Variants in CYB5D2 observed in about 807,000 individuals in gnomAD.
CYB5D2 encodes cytochrome b5 domain containing 2.
CYB5D2 carries 23 observed loss-of-function variants against 22.8 expected under a neutral mutation model. The observed-to-expected ratio is 1.01, with a 90% confidence interval of 0.73 to 1.43. The LOEUF is 1.43. CYB5D2 is among the 40% of genes most tolerant of loss of function. The pLI, the probability that CYB5D2 is intolerant of heterozygous loss-of-function variation, is 0.00. For synonymous variants in CYB5D2, 170 were observed against 152.2 expected (o/e 1.12, Z -0.86); for missense variants, 373 against 357.2 (o/e 1.04, Z -0.36).
intron 1 of CYB5D2, among the ~76,000 whole-genome samples, chr17:4,147,985 A>C (rs2059011639): frequency 1.3e-5 from 2 of 152,252 alleles, no homozygotes; most frequent in South Asian, 4.1e-4. Context: ...TGGCAGGAGA[A>C]TGATGTGATC....
chr17:4,143,503 A>G lies in CYB5D2; in HGVS notation c.-253A>G, dbSNP rs111244106. On this transcript the variant is annotated 5_prime_UTR_variant, in exon 1 of 4. Coordinates refer to ENST00000301391, the MANE Select transcript of CYB5D2 (RefSeq NM_144611.4). ...ATTCCGCCAGTGCACTCCAGCCTGG[A>G]CAACAAGAGCTAAAACTCTGTCTCA... The G allele has an allele frequency of 2.9e-3, 1,090 of 375,882 alleles. 15 individuals carry two copies. The highest frequency in any genetic ancestry group is 0.022 in the African/African-American group (1,014 of 46,886). 23.3% of individuals were successfully genotyped at this position (375,882 alleles called of 1,614,324 possible).
At chr17:4,144,453 T>A (rs2058957207) in intron 1 of CYB5D2, among the ~76,000 whole-genome samples, 1 of 151,974 alleles carries the variant, frequency 6.6e-6, no homozygotes, top group African/African-American at 2.4e-5. Flanking sequence ...AAGCATAGTG[T>A]TTTCAAGGTT....
At chr17:4,147,054 GTTTC>G (rs1044134594) in intron 1 of CYB5D2, among the ~76,000 whole-genome samples, 9 of 152,076 alleles carry the variant, frequency 5.9e-5, no homozygotes, top group Middle Eastern at 3.4e-3. Flanking sequence ...TGGATTTTTG[GTTTC>G]TTTCTACTTT....
At position 4,143,929 on chromosome 17, in the gene CYB5D2, G is replaced by A; in HGVS notation, c.174G>A (p.Ala58=). Residue 58 remains alanine (A), a synonymous_variant, in exon 1 of 4, where the codon GCG becomes GCA. Transcript: ENST00000301391. The part of the protein sequence containing the change: ...GGPGDPGLYL[A]LLGRVYDVSS... ...CAGGGGACCCGGGCCTGTACTTGGC[G>A]TTGCTCGGCCGTGTCTACGATGTGT... The A allele has an allele frequency of 6.2e-7, 1 of 1,613,702 alleles. No homozygotes were observed. Among genetic ancestry groups the A allele is most frequent in the Non-Finnish European group, 8.5e-7 (1 of 1,180,018 alleles).
rs545829963 is a variant in CYB5D2, at chr17:4,154,695, A to C, written c.413A>C (p.Tyr138Ser). 2 of 1,614,140 alleles carry C rather than the reference A, an allele frequency of 1.2e-6. No homozygotes were observed. Among genetic ancestry groups the C allele is most frequent in the East Asian group, 4.5e-5 (2 of 44,880 alleles). Residue 138 changes from tyrosine (Y) to serine (S), a missense_variant, in exon 3 of 4, where the codon TAC (tyrosine) becomes TCC (serine). By Grantham distance (144) the Tyr-to-Ser change is moderately radical. Transcript: ENST00000301391. ...VCVGRVTGRF[Y>S]GEDGLPTPAL... The stretch of plus-strand genomic sequence containing the variant: ...ACAGGGAGGGTGACAGGACGGTTCT[A>C]CGGAGAGGATGGGCTGCCCACCCCG...
chr17:4,152,005 C>CAAAAAAGAAAA (rs2059063938), intron 2 of CYB5D2, among the ~76,000 whole-genome samples: 1 of 88,780 alleles, frequency 1.1e-5, no homozygotes. Flanking sequence ...GACCCTGTCT[C>CAAAAAAGAAAA]AAAAAAAAAA....
chr17:4,144,055 G>C (rs374382509), intron 1 of CYB5D2, 50 bp downstream of exon 1: 7 of 1,531,930 alleles, frequency 4.6e-6, no homozygotes, highest in African/African-American at 1.4e-5. Context: ...CGAGCCAGTA[G>C]CCACCTGCGC....
intron 3 of CYB5D2, among the ~76,000 whole-genome samples, chr17:4,156,150 G>A (rs1190561605): frequency 1.3e-5 from 2 of 152,252 alleles, no homozygotes; most frequent in East Asian, 1.9e-4. Context: ...TGTCTGAGGC[G>A]TCAGTTCCAA....
At chr17:4,156,053 G>A (rs1039131964) in intron 3 of CYB5D2, among the ~76,000 whole-genome samples, 26 of 152,378 alleles carry the variant, frequency 1.7e-4, no homozygotes, top group Non-Finnish European at 3.1e-4. Flanking sequence ...AGAGGGAGGC[G>A]TTTGGGTGAC....
At chr17:4,156,528 G>T (rs1423283351) in intron 3 of CYB5D2, among the ~76,000 whole-genome samples, 1 of 152,252 alleles carries the variant, frequency 6.6e-6, no homozygotes, top group Admixed American at 6.5e-5. Context: ...AAGCTCACAG[G>T]CCAGCAGGGG....
rs765275724 is a variant in CYB5D2, at chr17:4,154,813, G to A, written c.531G>A (p.Ala177=). 14 of 1,614,046 alleles carry A rather than the reference G, an allele frequency of 8.7e-6. No homozygotes were observed. The highest frequency in any genetic ancestry group is 1.6e-4 in the Middle Eastern group (1 of 6,080). ...AGCAGACATTCCCGCCGTGCAACGC[G>A]GAGTGGAGCTCAGCCAGGGGCAGCC... The part of the protein sequence containing the change: ...QEKQTFPPCN[A]EWSSARGSRL... The change falls in exon 3 of 4, where the codon GCG becomes GCA. Residue 177 remains alanine (A), a synonymous_variant. Transcript: ENST00000301391.
At position 4,143,665 on chromosome 17, in the gene CYB5D2, GCGCCGA is replaced by G; in HGVS notation, c.-90_-85del. The G allele has an allele frequency of 6.7e-7, 1 of 1,503,602 alleles. No homozygotes were observed. The highest frequency in any genetic ancestry group is 8.9e-7 in the Non-Finnish European group (1 of 1,123,444). The allele number at this position is 1,503,602 out of a possible 1,614,324, so 93.1% of individuals were successfully genotyped here. ...CGCGAGAGAGAGAGCGAGAGCGCGC[GCGCCGA>G]TGACGTCACGCTCGGCGTCTCGGCC... is the stretch of plus-strand genomic sequence containing the variant. On this transcript the variant is annotated 5_prime_UTR_variant, in exon 1 of 4. The change abolishes an upstream ATG in the 5' untranslated region. Coordinates refer to ENST00000301391, the MANE Select transcript of CYB5D2 (RefSeq NM_144611.4).
rs1827750596 is a variant in CYB5D2 at position 4,157,357 on chromosome 17, G to A, written c.*275G>A. 9.7e-6 allele frequency: 5 copies of A among 515,400 alleles called. No homozygotes were observed. The highest frequency in any genetic ancestry group is 8.9e-5 in the South Asian group (4 of 44,980). The allele number at this position is 515,400 out of a possible 1,614,324, so 31.9% of individuals were successfully genotyped here. On this transcript the variant is annotated 3_prime_UTR_variant, in exon 4 of 4. Coordinates refer to ENST00000301391, the MANE Select transcript of CYB5D2 (RefSeq NM_144611.4). This position sits in a 1 kb window ranked among gnomAD's most constrained non-coding sequence, Gnocchi z 4.4. ...TTCCTCACAGCCCTCAGATATCAAC[G>A]GGCACAAATAAGACCAACTCAATTT...
intron 1 of CYB5D2, among the ~76,000 whole-genome samples, chr17:4,149,375 G>A (rs1293670362): frequency 2.0e-5 from 3 of 152,230 alleles, no homozygotes; most frequent in Non-Finnish European, 2.9e-5. Context: ...AAAGTTTGCC[G>A]AAGGTAAAAG....
intron 2 of CYB5D2, among the ~76,000 whole-genome samples, chr17:4,152,483 T>C (rs762230438): frequency 2.6e-5 from 4 of 152,230 alleles, no homozygotes; most frequent in Non-Finnish European, 5.9e-5. Context: ...TTGGTTATGC[T>C]GTGGATACAG....
rs1201273867 is a variant in CYB5D2, at chr17:4,143,467, A to C, written c.-289A>C. The C allele has an allele frequency of 8.0e-6, 2 of 250,838 alleles. No homozygotes were observed. Among genetic ancestry groups the C allele is most frequent in the Non-Finnish European group, 1.5e-5 (2 of 130,580 alleles). 15.5% of individuals were successfully genotyped at this position (250,838 alleles called of 1,614,324 possible). ...CTTGAACCCGGGAGGCGGAGGTTGC[A>C]GTGAGCCGAGATTCCGCCAGTGCAC... On this transcript the variant is annotated 5_prime_UTR_variant, in exon 1 of 4. Coordinates refer to ENST00000301391, the MANE Select transcript of CYB5D2 (RefSeq NM_144611.4).
intron 1 of CYB5D2, among the ~76,000 whole-genome samples, chr17:4,149,670 G>A (rs1026546110): frequency 6.6e-6 from 1 of 152,168 alleles, no homozygotes; most frequent in African/African-American, 2.4e-5. Context: ...GTGGTGGCGG[G>A]CGCCTGTAAT....
chr17:4,151,155 G>A (rs1012396752), intron 2 of CYB5D2: 4 of 151,974 alleles, frequency 2.6e-5, no homozygotes, highest in African/African-American at 9.7e-5. Flanking sequence ...ATCAATCATG[G>A]CTTTTTCATA....
intron 3 of CYB5D2, among the ~76,000 whole-genome samples, chr17:4,156,323 G>A (rs1437888700): frequency 1.3e-5 from 2 of 152,262 alleles, no homozygotes; most frequent in Admixed American, 6.5e-5. Flanking sequence ...GACTGGACCT[G>A]TGGGGCACAG....
Sources: gnomAD v4.1 joint callset for allele counts (sites outside exome capture counted in the v4.1 genomes callset) on GRCh38, gnomAD v4.1.1 for gene constraint, Gnocchi (gnomAD v3.1) non-coding constraint, MANE v1.5 for transcripts, NCBI Gene and HGNC (gene_info 2026-07-23, HGNC 2026-07-21) for gene names.